The following MAT2A variants were observed in gnomAD, a reference collection of about 807,000 sequenced individuals.
MAT2A encodes the protein S-adenosylmethionine synthase isoform type-2.
Under a neutral mutation model 43.9 loss-of-function variants are expected in MAT2A, and 3 were observed. That is an observed-to-expected ratio of 0.07 (90% CI 0.03 to 0.18). The LOEUF (loss-of-function observed/expected upper bound fraction) is 0.18. Ranked by LOEUF, MAT2A falls within the 10% of genes least tolerant of loss-of-function variation. The pLI is 1.00. For missense variants in MAT2A, 204 were observed against 489.0 expected (o/e 0.42, Z 5.50); for synonymous variants, 200 against 168.4 (o/e 1.19, Z -1.45).
Position 85,539,173 on chromosome 2 carries a change from C to A in MAT2A, c.-115C>A. ...GCCGCACCGCCCGCTGCTTCGTTCG[C>A]TCCGCGCCGCCCGCCTGCTACGAGT... On this transcript the variant is annotated 5_prime_UTR_variant, in exon 1 of 9. Coordinates refer to ENST00000306434, the MANE Select transcript of MAT2A (RefSeq NM_005911.6). The A allele has an allele frequency of 1.3e-6, 1 of 764,084 alleles. No individual in the cohort carries two copies. The highest frequency in any genetic ancestry group is 1.7e-5 in the South Asian group (1 of 57,832). 47.3% of individuals were successfully genotyped at this position (764,084 alleles called of 1,614,324 possible).
intron 2 of MAT2A, 28 bp downstream of exon 2, chr2:85,541,188 G>C (rs752845026): frequency 1.2e-6 from 2 of 1,612,688 alleles, no homozygotes; most frequent in South Asian, 2.2e-5. Context: ...TTATCAACTG[G>C]TGGAAAGATA....
chr2:85,539,575 T>TCTCCACCCTTCCCTTCCCCC, intron 1 of MAT2A, 197 bp downstream of exon 1: 1 of 465,878 alleles, frequency 2.1e-6, no homozygotes, highest in Non-Finnish European at 3.8e-6. Flanking sequence ...CCCCCTCCCC[T>TCTCCACCCTTCCCTTCCCCC]CTCCACCCTT....
intron 8 of MAT2A, 147 bp downstream of exon 8, chr2:85,543,181 C>T: frequency 2.3e-6 from 2 of 869,852 alleles, no homozygotes; most frequent in Non-Finnish European, 3.5e-6. Context: ...GAACTGCTGC[C>T]TTAGTGAAGA....
rs1287621003 is a variant in MAT2A, at chr2:85,539,229, AGCCGCTGCCGCCTC to A, written c.-50_-37del. 1.0e-5 allele frequency: 13 copies of A among 1,276,414 alleles called. No homozygotes were observed. The highest frequency in any genetic ancestry group is 2.6e-5 in the East Asian group (1 of 38,244). The allele number at this position is 1,276,414 out of a possible 1,614,324, so 79.1% of individuals were successfully genotyped here. A position where few individuals can be genotyped will look rare whatever the true frequency, so the allele number is the denominator to read the frequency against. On this transcript the variant is annotated 5_prime_UTR_variant, in exon 1 of 9. Transcript: ENST00000306434. ...GCTGTCCGCAGCTTGCGCATTTCGCAGCCGCTGCCGCCTCGCCGCTGCTCCTTCGTAAGGCCACT... is the reference window on the plus strand; with the variant it reads ...GCTGTCCGCAGCTTGCGCATTTCGCAGCCGCTGCTCCTTCGTAAGGCCACT...
rs1019819434 is a variant in MAT2A, at chr2:85,539,195, G to C, written c.-93G>C. 8 of 902,680 alleles carry C rather than the reference G, an allele frequency of 8.9e-6. No individual in the cohort carries two copies. The highest frequency in any genetic ancestry group is 1.5e-5 in the South Asian group (1 of 65,990). 55.9% of individuals were successfully genotyped at this position (902,680 alleles called of 1,614,324 possible). On this transcript the variant is annotated 5_prime_UTR_variant, in exon 1 of 9. Coordinates refer to ENST00000306434, the MANE Select transcript of MAT2A (RefSeq NM_005911.6). ...TCGCTCCGCGCCGCCCGCCTGCTAC[G>C]AGTAGAACGCTGTCCGCAGCTTGCG...
Position 85,542,431 on chromosome 2 carries a change from A to C in MAT2A, c.768+58A>C, listed in dbSNP as rs1691500270. The C allele has an allele frequency of 4.4e-6, 7 of 1,575,166 alleles. No individual in the cohort carries two copies. The East Asian group carries it at 1.1e-4, about 25-fold the overall frequency. On this transcript the variant is annotated intron_variant, in intron 6 of 8. Transcript: ENST00000306434. ...TTGATGGTTACTTAAAATTTTGGCT[A>C]CTACATTTTTTTCAGGCTTTCTGAA...
rs1281740523 is a variant in MAT2A at position 85,539,257 on chromosome 2, C to T, written c.-31C>T. On this transcript the variant is annotated 5_prime_UTR_variant, in exon 1 of 9. Coordinates refer to ENST00000306434, the MANE Select transcript of MAT2A (RefSeq NM_005911.6). ...CGCTGCCGCCTCGCCGCTGCTCCTT[C>T]GTAAGGCCACTTCCGCACACCGACA... 1.3e-6 allele frequency: 2 copies of T among 1,552,504 alleles called. No homozygotes were observed. Among genetic ancestry groups the T allele is most frequent in the Non-Finnish European group, 1.8e-6 (2 of 1,134,316 alleles).
chr2:85,541,613 G>A lies in MAT2A; in HGVS notation c.293-20G>A. The A allele has an allele frequency of 6.4e-7, 1 of 1,555,866 alleles. No individual in the cohort carries two copies. Among genetic ancestry groups the A allele is most frequent in the Non-Finnish European group, 8.8e-7 (1 of 1,141,958 alleles). On this transcript the variant is annotated intron_variant, in intron 3 of 8. Coordinates refer to ENST00000306434, the MANE Select transcript of MAT2A (RefSeq NM_005911.6). ...GGTATTTCTAGGACGTAAACAAGATGTTGTGTTTTTTGCTTATAGGTTTTG... is the reference window on the plus strand; with the variant it reads ...GGTATTTCTAGGACGTAAACAAGATATTGTGTTTTTTGCTTATAGGTTTTG...
Position 85,539,235 on chromosome 2 carries a change from T to G in MAT2A, c.-53T>G, listed in dbSNP as rs1011806303. ...CGCAGCTTGCGCATTTCGCAGCCGC[T>G]GCCGCCTCGCCGCTGCTCCTTCGTA... On this transcript the variant is annotated 5_prime_UTR_variant, in exon 1 of 9. Transcript: ENST00000306434. 2.2e-6 allele frequency: 3 copies of G among 1,337,662 alleles called. No individual in the cohort carries two copies. The highest frequency in any genetic ancestry group is 2.6e-5 in the East Asian group (1 of 39,086). 82.9% of individuals were successfully genotyped at this position (1,337,662 alleles called of 1,614,324 possible).
Position 85,542,435 on chromosome 2 carries a change from C to T in MAT2A, c.768+62C>T. 5 of 1,567,994 alleles carry T rather than the reference C, an allele frequency of 3.2e-6. No homozygotes were observed. In the South Asian group the frequency reaches 4.5e-5, roughly 14 times the overall value. On this transcript the variant is annotated intron_variant, in intron 6 of 8. Coordinates refer to ENST00000306434, the MANE Select transcript of MAT2A (RefSeq NM_005911.6). The stretch of plus-strand genomic sequence containing the variant: ...TGGTTACTTAAAATTTTGGCTACTA[C>T]ATTTTTTTCAGGCTTTCTGAAACCT...
Position 85,539,311 on chromosome 2 carries a change from C to T in MAT2A, c.24C>T (p.Phe8=), listed in dbSNP as rs1343477687. MNGQLNG[F]HEAFIEEGTF... Reference sequence around the variant, plus strand: ...ACATGAACGGACAGCTCAACGGCTTCCACGAGGCGTTCATCGAGGAGGGCA... The same window carrying T: ...ACATGAACGGACAGCTCAACGGCTTTCACGAGGCGTTCATCGAGGAGGGCA... Residue 8 remains phenylalanine, a synonymous_variant, in exon 1 of 9, where the codon TTC becomes TTT. Transcript: ENST00000306434. The T allele has an allele frequency of 1.9e-6, 3 of 1,605,794 alleles. No homozygotes were observed. Among genetic ancestry groups the T allele is most frequent in the Non-Finnish European group, 8.5e-7 (1 of 1,176,698 alleles).
chr2:85,541,005 C>T, intron 1 of MAT2A, 78 bp from the exon 2 acceptor site: 1 of 871,436 alleles, frequency 1.1e-6, no homozygotes, highest in Middle Eastern at 2.3e-4. Context: ...CAGATAGTAA[C>T]AGGGAGGGAG....
chr2:85,539,593 C>CCCCTCCCT lies in MAT2A; in HGVS notation c.91+216_91+223dup. 4.6e-6 allele frequency: 2 copies of CCCCTCCCT among 439,532 alleles called. 1 individual carries two copies. The highest frequency in any genetic ancestry group is 7.2e-5 in the South Asian group (2 of 27,840). The allele number at this position is 439,532 out of a possible 1,614,324, so 27.2% of individuals were successfully genotyped here. A position where few individuals can be genotyped will look rare whatever the true frequency, so the allele number is the denominator to read the frequency against. On this transcript the variant is annotated intron_variant, in intron 1 of 8. Coordinates refer to ENST00000306434, the MANE Select transcript of MAT2A (RefSeq NM_005911.6). ...CCTCCCCTCTCCACCCTTCCCTTCC[C>CCCCTCCCT]CCCTCCCTTTTCATTCGGTCGCGCG...
chr2:85,544,425 T>C lies in MAT2A; in HGVS notation c.*653T>C, dbSNP rs1469847286. The C allele has an allele frequency of 1.3e-5, 2 of 152,670 alleles. No homozygotes were observed. The highest frequency in any genetic ancestry group is 6.5e-5 in the Admixed American group (1 of 15,282). The allele number at this position is 152,670 out of a possible 1,614,324, so 9.5% of individuals were successfully genotyped here. A position where few individuals can be genotyped will look rare whatever the true frequency, so the allele number is the denominator to read the frequency against. ...TCTCCCTGGTGCTTATGCTCTTAAT[T>C]GCCACCTCTAACAGCACCAAATCAA... On this transcript the variant is annotated 3_prime_UTR_variant, in exon 9 of 9. Transcript: ENST00000306434.
chr2:85,540,852 C>G (rs1455462679), intron 1 of MAT2A, among the ~76,000 whole-genome samples: 2 of 152,148 alleles, frequency 1.3e-5, no homozygotes, highest in African/African-American at 4.8e-5. Flanking sequence ...AGGGCAAATT[C>G]TGTTCTTTAA....
intron 3 of MAT2A, 128 bp downstream of exon 3, chr2:85,541,505 C>A: frequency 7.5e-7 from 1 of 1,338,306 alleles, no homozygotes; most frequent in South Asian, 1.4e-5. Context: ...CTATTCTGTT[C>A]ATTCTCTAAA....
intron 8 of MAT2A, 26 bp from the exon 9 acceptor site, chr2:85,543,644 T>C (rs779703575): frequency 7.3e-6 from 10 of 1,361,404 alleles, no homozygotes; most frequent in Non-Finnish European, 6.2e-6. Context: ...ATGCTACATA[T>C]TAAGTTACGG....
chr2:85,542,726 G>T lies in MAT2A; in HGVS notation c.930G>T (p.Leu310=). The T allele has an allele frequency of 6.2e-7, 1 of 1,612,298 alleles. No homozygotes were observed. The highest frequency in any genetic ancestry group is 8.5e-7 in the Non-Finnish European group (1 of 1,178,774). Residue 310 remains leucine, a synonymous_variant, in exon 7 of 9, where the codon CTG becomes CTT. Transcript: ENST00000306434. ...WVAKSLVKGG[L]CRRVLVQVSY... Reference sequence around the variant, plus strand: ...CAAAATCCCTTGTTAAAGGAGGTCTGTGCCGGAGGGTTCTTGTTCAGGTAT... The same window carrying T: ...CAAAATCCCTTGTTAAAGGAGGTCTTTGCCGGAGGGTTCTTGTTCAGGTAT...
chr2:85,542,536 G>A (rs773027606), intron 6 of MAT2A, 29 bp from the exon 7 acceptor site: 20 of 1,602,518 alleles, frequency 1.2e-5, no homozygotes, highest in Admixed American at 3.3e-5. Context: ...AGCACTAGGC[G>A]TAAAGTAACT....
Sources: allele counts gnomAD v4.1 joint callset (sites outside exome capture counted in the v4.1 genomes callset), GRCh38; gene constraint gnomAD v4.1.1; transcripts MANE v1.5; gene names NCBI Gene and HGNC (gene_info 2026-07-23, HGNC 2026-07-21).